BICD1: variants seen among roughly 807,000 people sequenced by gnomAD.
The protein encoded by BICD1 is protein bicaudal D homolog 1.
A neutral mutation model predicts 92.5 loss-of-function variants in BICD1; 35 were observed. That is an observed-to-expected ratio of 0.38 (90% CI 0.29 to 0.50). BICD1 has a LOEUF of 0.50. Ranked by LOEUF, BICD1 falls within the 20% of genes least tolerant of loss-of-function variation. The pLI, the probability that BICD1 is intolerant of heterozygous loss-of-function variation, is 0.93. For missense variants in BICD1, 950 were observed against 1,189.8 expected (o/e 0.80, Z 2.97); for synonymous variants, 429 against 465.1 (o/e 0.92, Z 1.00).
intron 8 of BICD1, among the ~76,000 whole-genome samples, chr12:32,346,444 GA>G (rs2136294627): frequency 6.8e-6 from 1 of 146,416 alleles, no homozygotes; most frequent in African/African-American, 2.5e-5. Context: ...TTGAGCCCAG[GA>G]AGCAGAGGTT....
At chr12:32,332,851 T>G in intron 5 of BICD1, 5 of 985,338 alleles carry the variant, frequency 5.1e-6, no homozygotes, top group Non-Finnish European at 6.0e-6. Flanking sequence ...CCTATGTGGC[T>G]GGAAATAAGA....
At chr12:32,233,340 A>T (rs573007891) in intron 2 of BICD1, among the ~76,000 whole-genome samples, 1 of 137,390 alleles carries the variant, frequency 7.3e-6, no homozygotes, top group African/African-American at 2.5e-5. Flanking sequence ...AAAAAAAAAA[A>T]GTAGGCTTAC....
At chr12:32,252,190 C>T (rs61530251) in intron 2 of BICD1, among the ~76,000 whole-genome samples, 63 of 47,574 alleles carry the variant, frequency 1.3e-3, no homozygotes, top group African/African-American at 3.3e-3. Flanking sequence ...ATAATATATA[C>T]TATATATTTT....
chr12:32,209,833 T>G (rs1945162336), intron 1 of BICD1, among the ~76,000 whole-genome samples: 1 of 152,150 alleles, frequency 6.6e-6, no homozygotes, highest in Non-Finnish European at 1.5e-5. Context: ...CGCATCTGGG[T>G]TGCCCTCTAT....
intron 1 of BICD1, among the ~76,000 whole-genome samples, chr12:32,152,014 T>C (rs558950578): frequency 6.6e-5 from 10 of 152,266 alleles, no homozygotes; most frequent in Non-Finnish European, 1.3e-4. Flanking sequence ...TGGAGTGTAG[T>C]GGCGCGTTCT....
intron 1 of BICD1, among the ~76,000 whole-genome samples, chr12:32,165,549 G>C (rs1943733949): frequency 6.6e-6 from 1 of 151,286 alleles, no homozygotes; most frequent in Admixed American, 6.6e-5. Context: ...GCTGGGCGTG[G>C]TGGTGCGTGC....
In BICD1 at chr12:32,107,130, T is replaced by C. The variant is rs1302218949; in HGVS notation, c.-202T>C. 5.0e-6 allele frequency: 3 copies of C among 597,872 alleles called. No individual in the cohort carries two copies. Among genetic ancestry groups the C allele is most frequent in the Admixed American group, 5.9e-5 (2 of 33,638 alleles). 37.0% of individuals were successfully genotyped at this position (597,872 alleles called of 1,614,324 possible). On this transcript the variant is annotated 5_prime_UTR_variant, in exon 1 of 10. An upstream start codon of the reference 5' UTR is lost. Coordinates refer to ENST00000652176, the MANE Select transcript of BICD1 (RefSeq NM_001714.4). ...CCCTGACCCTCTGCCCTGTTCTCCA[T>C]GTTGCATTTCTCGTCAGTTTCTCGG...
intron 2 of BICD1, among the ~76,000 whole-genome samples, chr12:32,265,938 G>A (rs555593678): frequency 2.0e-5 from 3 of 152,188 alleles, no homozygotes; most frequent in Non-Finnish European, 4.4e-5. Flanking sequence ...TCTGTCTCAC[G>A]GCTTGTTAGG....
chr12:32,171,865 C>T (rs1297358812), intron 1 of BICD1, among the ~76,000 whole-genome samples: 4 of 151,152 alleles, frequency 2.6e-5, no homozygotes, highest in South Asian at 2.1e-4. Context: ...ACCCAGGAGG[C>T]GGAGGTTGCC....
intron 2 of BICD1, among the ~76,000 whole-genome samples, chr12:32,287,228 A>G (rs914980006): frequency 2.6e-5 from 4 of 152,206 alleles, no homozygotes; most frequent in Non-Finnish European, 4.4e-5. Flanking sequence ...TTCTATTTGA[A>G]TGTAGACAAC....
At position 32,203,843 on chromosome 12, in the gene BICD1, G is replaced by T. The variant is rs149042942; in HGVS notation, c.214-12404G>T. Among the ~76,000 whole-genome samples the T allele has an allele frequency of 5.0e-4, 76 of 152,126 alleles. 3 individuals carry two copies. In the East Asian group the frequency reaches 6.4e-3, roughly 13 times the overall value. On this transcript the variant is annotated intron_variant, in intron 1 of 9. Coordinates refer to ENST00000652176, the MANE Select transcript of BICD1 (RefSeq NM_001714.4). ...CCCTATCCAACTCAATAGGGGTCTG[G>T]CACAATAACATGTAACTAACAATTA...
At chr12:32,141,404 A>G (rs964571354) in intron 1 of BICD1, among the ~76,000 whole-genome samples, 1 of 152,196 alleles carries the variant, frequency 6.6e-6, no homozygotes, top group Admixed American at 6.5e-5. Flanking sequence ...AAATATGGCA[A>G]AAACAAAATT....
intron 5 of BICD1, among the ~76,000 whole-genome samples, chr12:32,330,946 C>G (rs1332838950): frequency 6.6e-6 from 1 of 152,138 alleles, no homozygotes; most frequent in Non-Finnish European, 1.5e-5. Flanking sequence ...ACCAGCCTGA[C>G]CAACATGGAG....
At chr12:32,191,302 C>G (rs1291787226) in intron 1 of BICD1, among the ~76,000 whole-genome samples, 1 of 151,958 alleles carries the variant, frequency 6.6e-6, no homozygotes, top group Non-Finnish European at 1.5e-5. Context: ...ACAAAATTGA[C>G]AAATCCTTTA....
chr12:32,231,806 C>G (rs1945899864), intron 2 of BICD1, among the ~76,000 whole-genome samples: 1 of 146,432 alleles, frequency 6.8e-6, no homozygotes, highest in Non-Finnish European at 1.5e-5. Context: ...TCTCATTGTT[C>G]AATTCCCACC....
At chr12:32,259,897 T>G (rs1946811035) in intron 2 of BICD1, among the ~76,000 whole-genome samples, 1 of 152,008 alleles carries the variant, frequency 6.6e-6, no homozygotes, top group African/African-American at 2.4e-5. Flanking sequence ...TGTGGGCTGT[T>G]GTCAACACAT....
At chr12:32,162,985 T>TA (rs928936956) in intron 1 of BICD1, among the ~76,000 whole-genome samples, 3 of 151,944 alleles carry the variant, frequency 2.0e-5, no homozygotes, top group Non-Finnish European at 2.9e-5. Context: ...GACTCTGTCT[T>TA]AAAAAAATAA....
At chr12:32,170,199 G>GA (rs1238522926) in intron 1 of BICD1, among the ~76,000 whole-genome samples, 1 of 152,078 alleles carries the variant, frequency 6.6e-6, no homozygotes, top group African/African-American at 2.4e-5. Context: ...CTCTGAAAAA[G>GA]AAAAAATAAC....
chr12:32,202,560 T>G (rs1046421873), intron 1 of BICD1, among the ~76,000 whole-genome samples: 1 of 152,178 alleles, frequency 6.6e-6, no homozygotes, highest in Non-Finnish European at 1.5e-5. Flanking sequence ...TTAGGATACC[T>G]TAGTAATGAT....
Sources: gnomAD v4.1 joint callset for allele counts (sites outside exome capture counted in the v4.1 genomes callset) on GRCh38, gnomAD v4.1.1 for gene constraint, MANE v1.5 for transcripts, NCBI Gene and HGNC (gene_info 2026-07-23, HGNC 2026-07-21) for gene names.